Variants in RASGRF1 observed in about 807,000 individuals in gnomAD.
The protein encoded by RASGRF1 is Ras protein specific guanine nucleotide releasing factor 1, also known as ras-specific guanine nucleotide-releasing factor 1.
A neutral mutation model predicts 138.7 loss-of-function variants in RASGRF1; 40 were observed. The ratio of observed to expected loss-of-function variants is 0.29; its 90% CI spans 0.22 to 0.38. RASGRF1 has a LOEUF of 0.38. Ranked by LOEUF, RASGRF1 falls within the 10% of genes least tolerant of loss-of-function variation. RASGRF1 has a pLI of 1.00. For missense variants in RASGRF1, 1,108 were observed against 1,650.4 expected, an observed-to-expected ratio of 0.67 and a Z score of 5.69; for synonymous variants, 614 against 663.2, an observed-to-expected ratio of 0.93 and a Z score of 1.14.
At chr15:79,077,024 TG>T (rs1473445659) in intron 1 of RASGRF1, among the ~76,000 whole-genome samples, 2 of 152,154 alleles carry the variant, frequency 1.3e-5, no homozygotes, top group Non-Finnish European at 2.9e-5. Context: ...TGGAAGGGGT[TG>T]GGGGGACTGG....
chr15:78,996,639 C>T (rs754516), intron 19 of RASGRF1, among the ~76,000 whole-genome samples: 65,663 of 152,012 alleles, frequency 0.43, 17,114 homozygotes, highest in East Asian at 0.73. Context: ...AACAGGCTCC[C>T]CTCCGAGGGT....
chr15:79,086,771 T>C (rs1007877055), intron 1 of RASGRF1, among the ~76,000 whole-genome samples: 5 of 152,200 alleles, frequency 3.3e-5, no homozygotes, highest in African/African-American at 9.7e-5. Flanking sequence ...AAGCTGGGGC[T>C]GGACATTTTA....
chr15:78,979,255 C>T, intron 24 of RASGRF1: 1 of 1,176,534 alleles, frequency 8.5e-7, no homozygotes, highest in South Asian at 1.5e-5. Context: ...GCACACAGAG[C>T]TGGCAAAGGA....
chr15:79,058,186 G>A (rs376911551), intron 3 of RASGRF1, 148 bp downstream of exon 3: 1 of 1,226,144 alleles, frequency 8.2e-7, no homozygotes, highest in Non-Finnish European at 1.1e-6. Context: ...CATTCTGCCA[G>A]TACCACCACG....
At chr15:79,070,511 A>G (rs1459659223) in intron 1 of RASGRF1, among the ~76,000 whole-genome samples, 1 of 152,238 alleles carries the variant, frequency 6.6e-6, no homozygotes, top group African/African-American at 2.4e-5. Context: ...CATGTTTCAG[A>G]TGACAACAAA....
rs2057648581 is a variant in RASGRF1 at position 79,064,401 on chromosome 15, C to T, written c.383+19G>A. On this transcript the variant is annotated intron_variant, in intron 2 of 26. Coordinates refer to ENST00000558480, the MANE Select transcript of RASGRF1 (RefSeq NM_001145648.3). ...GGACTGTGGAGTAGGGGCTTCCTGC[C>T]CTGGGCAAGGAGACATACCTGGCAT... 1 of 1,610,386 alleles carries T rather than the reference C, an allele frequency of 6.2e-7. No homozygotes were observed. Among genetic ancestry groups the T allele is most frequent in the Non-Finnish European group, 8.5e-7 (1 of 1,176,666 alleles).
Position 79,006,141 on chromosome 15 carries a change from C to T in RASGRF1, c.2075+45G>A. On this transcript the variant is annotated intron_variant, in intron 14 of 26. Transcript: ENST00000558480. The surrounding 1 kb of genome is among the most constrained non-coding windows in gnomAD (Gnocchi z 4.0). ...GTGCAAGCTCAGTTTTCCTCCAAGGCTTGGAAGCTCTCCGGGCATGGGAGG... is the reference window on the plus strand; with the variant it reads ...GTGCAAGCTCAGTTTTCCTCCAAGGTTTGGAAGCTCTCCGGGCATGGGAGG... The T allele has an allele frequency of 6.2e-7, 1 of 1,611,176 alleles. No individual in the cohort carries two copies. Among genetic ancestry groups the T allele is most frequent in the Non-Finnish European group, 8.5e-7 (1 of 1,177,978 alleles).
chr15:79,031,408 C>T lies in RASGRF1; in HGVS notation c.1254G>A (p.Glu418=), dbSNP rs769459245. 2 of 1,607,358 alleles carry T rather than the reference C, an allele frequency of 1.2e-6. No homozygotes were observed. The highest frequency in any genetic ancestry group is 1.7e-6 in the Non-Finnish European group (2 of 1,176,204). Residue 418 remains glutamate, a synonymous_variant, in exon 8 of 27, where the codon GAG becomes GAA. Transcript: ENST00000558480. ...GAAGAGCCAGGCCTCACCTGGACAG[C>T]TCCTCCAGTTTGGACTTGGCGTAGT... ...SLDYAKSKLE[E]LSRIMHDEVS...
In RASGRF1 at chr15:78,979,174, C is replaced by A. The variant is rs377716406; in HGVS notation, c.3494+1446G>T. ...CTCGGGAGCCCAGGCAGAAGAGAGA[C>A]GGCTGGACAGCACAGATGGGTGCAA... On this transcript the variant is annotated intron_variant, in intron 24 of 26. Transcript: ENST00000558480. The A allele has an allele frequency of 1.3e-5, 17 of 1,287,294 alleles. No homozygotes were observed. In the East Asian group the frequency reaches 1.7e-4, roughly 13 times the overall value. The allele number at this position is 1,287,294 out of a possible 1,614,324, so 79.7% of individuals were successfully genotyped here. A position where few individuals can be genotyped will look rare whatever the true frequency, so the allele number is the denominator to read the frequency against.
intron 23 of RASGRF1, among the ~76,000 whole-genome samples, chr15:78,983,284 T>C (rs566041349): frequency 2.2e-4 from 34 of 152,254 alleles, no homozygotes; most frequent in African/African-American, 8.2e-4. Flanking sequence ...AGGGTGGAGA[T>C]CTCATGTGGT....
chr15:79,062,271 TG>T (rs2057617578), intron 2 of RASGRF1, among the ~76,000 whole-genome samples: 1 of 152,258 alleles, frequency 6.6e-6, no homozygotes, highest in African/African-American at 2.4e-5. Context: ...AACTGGCTCT[TG>T]GTTCTACTTT....
At chr15:79,071,848 C>T (rs933908259) in intron 1 of RASGRF1, among the ~76,000 whole-genome samples, 2 of 152,116 alleles carry the variant, frequency 1.3e-5, no homozygotes, top group East Asian at 1.9e-4. Context: ...CCTAGTTTTC[C>T]CTTTCTTGGC....
intron 8 of RASGRF1, among the ~76,000 whole-genome samples, chr15:79,029,956 C>T (rs1260058774): frequency 1.3e-5 from 2 of 152,222 alleles, no homozygotes; most frequent in African/African-American, 4.8e-5. Flanking sequence ...GAGCCTGCTG[C>T]CTTACCGGAG....
chr15:79,052,360 T>C (rs777690603), intron 3 of RASGRF1, among the ~76,000 whole-genome samples: 3 of 152,226 alleles, frequency 2.0e-5, no homozygotes, highest in Non-Finnish European at 2.9e-5. Context: ...TACTAAAGAT[T>C]GCTGCATTGC....
rs191999892 is a variant in RASGRF1, at chr15:78,987,613, T to C, written c.3217-2409A>G. Among the ~76,000 whole-genome samples the C allele has an allele frequency of 4.8e-4, 73 of 152,248 alleles. No individual in the cohort carries two copies. The East Asian group carries it at 0.013, about 26-fold the overall frequency. ...CAGGAGGCTGAGGCATGATAATCAC[T>C]TGAACCCAGGAGGTGGAGGTTGCAG... On this transcript the variant is annotated intron_variant, in intron 22 of 26. Transcript: ENST00000558480.
Position 79,032,314 on chromosome 15 carries a change from C to G in RASGRF1, c.961G>C (p.Asp321His). 1 of 1,613,820 alleles carries G rather than the reference C, an allele frequency of 6.2e-7. No individual in the cohort carries two copies. The highest frequency in any genetic ancestry group is 8.5e-7 in the Non-Finnish European group (1 of 1,179,840). Residue 321 changes from aspartate to histidine, a missense_variant and splice_region_variant, in exon 7 of 27, where the codon GAC (aspartate) becomes CAC (histidine). Asp to His is a moderately conservative substitution (Grantham distance 81). Transcript: ENST00000558480. The surrounding 1 kb of genome is among the most constrained non-coding windows in gnomAD (Gnocchi z 4.5). ...ATGGGCAGCAGGATGTCAAATAGGTCAGCTGGAAGGACGAGGCAGTCAGCG... is the reference window on the plus strand; with the variant it reads ...ATGGGCAGCAGGATGTCAAATAGGTGAGCTGGAAGGACGAGGCAGTCAGCG... ...ISSWPTLVLA[D>H]LFDILLPMLN...
Position 79,003,842 on chromosome 15 carries a change from G to A in RASGRF1, c.2409C>T (p.Thr803=), listed in dbSNP as rs769610071. 1.2e-6 allele frequency: 2 copies of A among 1,612,502 alleles called. No individual in the cohort carries two copies. Among genetic ancestry groups the A allele is most frequent in the Middle Eastern group, 1.7e-4 (1 of 6,044 alleles). The change falls in exon 15 of 27, where the codon ACC becomes ACT. Residue 803 remains threonine (T), a synonymous_variant. Transcript: ENST00000558480. ...TNKIPDEGDT[T]PEKPEDPSAL... The stretch of plus-strand genomic sequence containing the variant: ...CTGAAGGGTCTTCGGGCTTCTCAGG[G>A]GTCGTATCGCCCTCATCTGGAATCT...
rs117070374 is a variant in RASGRF1, at chr15:79,006,154, C to T, written c.2075+32G>A. On this transcript the variant is annotated intron_variant, in intron 14 of 26. Coordinates refer to ENST00000558480, the MANE Select transcript of RASGRF1 (RefSeq NM_001145648.3). The surrounding 1 kb of genome is among the most constrained non-coding windows in gnomAD (Gnocchi z 4.0). The stretch of plus-strand genomic sequence containing the variant: ...TTTCCTCCAAGGCTTGGAAGCTCTC[C>T]GGGCATGGGAGGAGGAGGGCACCTC... The T allele has an allele frequency of 1.2e-5, 20 of 1,612,480 alleles. No homozygotes were observed. Among genetic ancestry groups the T allele is most frequent in the Middle Eastern group, 1.6e-4 (1 of 6,078 alleles).
chr15:79,017,692 ACCTGCC>A, intron 12 of RASGRF1, 72 bp downstream of exon 12: 4 of 1,470,008 alleles, frequency 2.7e-6, no homozygotes, highest in Non-Finnish European at 3.6e-6. Context: ...CCCACCCCCT[ACCTGCC>A]ACCAGCCAAA....
Sources: gnomAD v4.1 joint callset for allele counts (sites outside exome capture counted in the v4.1 genomes callset) on GRCh38, gnomAD v4.1.1 for gene constraint, Gnocchi (gnomAD v3.1) non-coding constraint, MANE v1.5 for transcripts, NCBI Gene and HGNC (gene_info 2026-07-23, HGNC 2026-07-21) for gene names.